PDE8B: variants seen among roughly 807,000 people sequenced by gnomAD.
PDE8B encodes the protein high affinity cAMP-specific and IBMX-insensitive 3',5'-cyclic phosphodiesterase 8B.
A neutral mutation model predicts 101.3 loss-of-function variants in PDE8B; 26 were observed. The ratio of observed to expected loss-of-function variants is 0.26; its 90% CI spans 0.19 to 0.36. The LOEUF is 0.36. Among genes scored for constraint, PDE8B ranks in the 10% least tolerant of loss-of-function variants. The pLI is 1.00. For missense variants in PDE8B, 810 were observed against 1,163.1 expected (o/e 0.70, Z 4.42); for synonymous variants, 424 against 429.3 (o/e 0.99, Z 0.15).
chr5:77,417,571 G>A (rs1795827305), intron 17 of PDE8B, among the ~76,000 whole-genome samples: 1 of 152,168 alleles, frequency 6.6e-6, no homozygotes, highest in Non-Finnish European at 1.5e-5. Flanking sequence ...GAAAACACTT[G>A]TATCCCCGGA....
chr5:77,311,106 G>T (rs1004489522), intron 1 of PDE8B, among the ~76,000 whole-genome samples: 1 of 151,684 alleles, frequency 6.6e-6, no homozygotes, highest in African/African-American at 2.4e-5. Context: ...AGTGTGGAAT[G>T]CAGGATAAGC....
At chr5:77,286,362 G>C (rs1324217549) in intron 1 of PDE8B, among the ~76,000 whole-genome samples, 1 of 152,190 alleles carries the variant, frequency 6.6e-6, no homozygotes, top group East Asian at 1.9e-4. Context: ...TCATTCTCTA[G>C]TAACTCTGGT....
At chr5:77,422,047 G>A in intron 20 of PDE8B, 59 bp downstream of exon 20, 5 of 1,525,136 alleles carry the variant, frequency 3.3e-6, no homozygotes, top group Non-Finnish European at 4.5e-6. Flanking sequence ...CTAGGTCATG[G>A]AACTCCTGGG....
chr5:77,095,314 G>A, the PDE8B span, among the ~76,000 whole-genome samples: 1 of 152,168 alleles, frequency 6.6e-6, no homozygotes. Flanking sequence ...GTCTTGACTG[G>A]TCTGCTTTTG....
intron 10 of PDE8B, among the ~76,000 whole-genome samples, chr5:77,373,391 T>C (rs1247481441): frequency 1.3e-5 from 2 of 152,234 alleles, no homozygotes; most frequent in Admixed American, 6.5e-5. Context: ...TTGATGAGCT[T>C]TGTTGTATGT....
chr5:77,313,212 A>G (rs1773070885), intron 2 of PDE8B, among the ~76,000 whole-genome samples: 1 of 152,204 alleles, frequency 6.6e-6, no homozygotes, highest in Admixed American at 6.5e-5. Context: ...AAGCAAGGAA[A>G]TGTGCTATTT....
upstream of PDE8B, among the ~76,000 whole-genome samples, chr5:77,208,786 C>T (rs1747717309): frequency 6.6e-6 from 1 of 152,200 alleles, no homozygotes; most frequent in African/African-American, 2.4e-5. Context: ...AGAGAGCCAC[C>T]TTGCCCAAGG....
chr5:77,249,939 A>C (rs1463513756), intron 1 of PDE8B, among the ~76,000 whole-genome samples: 1 of 152,252 alleles, frequency 6.6e-6, no homozygotes, highest in Non-Finnish European at 1.5e-5. Flanking sequence ...TCGTACAAGA[A>C]GATGTATGCA....
the PDE8B span, among the ~76,000 whole-genome samples, chr5:77,138,215 G>C: frequency 6.6e-6 from 1 of 152,164 alleles, no homozygotes; most frequent in East Asian, 1.9e-4. Context: ...AGTCCGGGGG[G>C]TGGCTTCTCT....
the PDE8B span, among the ~76,000 whole-genome samples, chr5:77,168,572 G>T: frequency 6.6e-6 from 1 of 152,256 alleles, no homozygotes; most frequent in Non-Finnish European, 1.5e-5. Context: ...GGCAAGTCAG[G>T]GATGCTGGGG....
the PDE8B span, among the ~76,000 whole-genome samples, chr5:77,150,582 A>G: frequency 1.3e-5 from 2 of 152,228 alleles, no homozygotes; most frequent in African/African-American, 2.4e-5. Flanking sequence ...TAGGAGAGTG[A>G]GAGGTCCTGC....
chr5:77,272,528 T>G (rs1261552094), intron 1 of PDE8B, among the ~76,000 whole-genome samples: 1 of 152,198 alleles, frequency 6.6e-6, no homozygotes, highest in Non-Finnish European at 1.5e-5. Flanking sequence ...ATTTGAGAGC[T>G]GCCTCTTCCA....
At chr5:77,370,161 T>G (rs1025164218) in intron 10 of PDE8B, among the ~76,000 whole-genome samples, 2 of 152,228 alleles carry the variant, frequency 1.3e-5, no homozygotes, top group Non-Finnish European at 2.9e-5. Flanking sequence ...GCTTACATTT[T>G]ATGTAAAATT....
chr5:77,269,823 T>G (rs1359481144), intron 1 of PDE8B, among the ~76,000 whole-genome samples: 2 of 152,228 alleles, frequency 1.3e-5, no homozygotes, highest in African/African-American at 4.8e-5. Context: ...TCTGTTCCAT[T>G]GCTCTATGTG....
intron 7 of PDE8B, among the ~76,000 whole-genome samples, chr5:77,346,285 A>G (rs1780143342): frequency 6.6e-6 from 1 of 152,188 alleles, no homozygotes; most frequent in Non-Finnish European, 1.5e-5. Flanking sequence ...AGAGAGAGCC[A>G]GACGTGTTTC....
At chr5:77,177,133 G>C in the PDE8B span, among the ~76,000 whole-genome samples, 6 of 151,874 alleles carry the variant, frequency 4.0e-5, no homozygotes, top group African/African-American at 1.5e-4. Context: ...TGCATGGTAG[G>C]TGATAAATAT....
rs1165159631 is a variant in PDE8B at position 77,426,429 on chromosome 5, T to A, written c.2549-16T>A. On this transcript the variant is annotated splice_polypyrimidine_tract_variant and intron_variant, in intron 21 of 21. Coordinates refer to ENST00000264917, the MANE Select transcript of PDE8B (RefSeq NM_003719.5). ...TAAGTTCACCGGTTTCTTTTGATTCTTTTCTGTCTTTGCAGCCTTTGCACA... is the reference window on the plus strand; with the variant it reads ...TAAGTTCACCGGTTTCTTTTGATTCATTTCTGTCTTTGCAGCCTTTGCACA... 6.4e-7 allele frequency: 1 copy of A among 1,563,022 alleles called. No homozygotes were observed. The highest frequency in any genetic ancestry group is 2.2e-5 in the East Asian group (1 of 44,626).
At chr5:77,279,140 A>T (rs1764446069) in intron 1 of PDE8B, among the ~76,000 whole-genome samples, 1 of 152,250 alleles carries the variant, frequency 6.6e-6, no homozygotes, top group African/African-American at 2.4e-5. Flanking sequence ...TATAGATAAT[A>T]AAACTAAGAA....
chr5:77,279,317 T>G (rs1390229245), intron 1 of PDE8B, among the ~76,000 whole-genome samples: 1 of 152,224 alleles, frequency 6.6e-6, no homozygotes, highest in Non-Finnish European at 1.5e-5. Flanking sequence ...TAAATTACTT[T>G]TATTTTATGC....
Sources: allele counts gnomAD v4.1 joint callset (sites outside exome capture counted in the v4.1 genomes callset), GRCh38; gene constraint gnomAD v4.1.1; transcripts MANE v1.5; gene names NCBI Gene and HGNC (gene_info 2026-07-23, HGNC 2026-07-21).